Variants in SUGCT observed in about 807,000 individuals in gnomAD.
SUGCT encodes succinyl-CoA:glutarate CoA-transferase.
Under a neutral mutation model 55.0 loss-of-function variants are expected in SUGCT, and 41 were observed. That is an observed-to-expected ratio of 0.74 (90% CI 0.58 to 0.97). The LOEUF (loss-of-function observed/expected upper bound fraction) is 0.97. Among genes scored for constraint, SUGCT ranks in the 50% least tolerant of loss-of-function variants. The probability of loss-of-function intolerance (pLI) is 0.00; values close to 1 mark genes in which losing one functional copy is unlikely to be tolerated. For missense variants in SUGCT, 568 were observed against 547.8 expected (o/e 1.04, Z -0.37); for synonymous variants, 187 against 200.4 (o/e 0.93, Z 0.56).
chr7:40,474,114 A>G (rs752360135), intron 11 of SUGCT, among the ~76,000 whole-genome samples: 7 of 152,162 alleles, frequency 4.6e-5, no homozygotes, highest in East Asian at 1.9e-4. Context: ...AGGGATACCC[A>G]TGTTATGCTG....
intron 11 of SUGCT, among the ~76,000 whole-genome samples, chr7:40,467,204 G>GAAAAAAAAAAA (rs762283927): frequency 2.6e-4 from 22 of 83,578 alleles, no homozygotes; most frequent in South Asian, 5.1e-4. Context: ...CTAAGAAAAA[G>GAAAAAAAAAAA]AAAAAAAAAA....
chr7:40,880,259 A>G, the SUGCT span, among the ~76,000 whole-genome samples: 1 of 152,136 alleles, frequency 6.6e-6, no homozygotes, highest in Non-Finnish European at 1.5e-5. Context: ...CAGAGGAAAG[A>G]TTTTTGGGTT....
chr7:40,554,073 C>T (rs916713547), intron 12 of SUGCT, among the ~76,000 whole-genome samples: 4 of 152,186 alleles, frequency 2.6e-5, no homozygotes, highest in Non-Finnish European at 4.4e-5. Flanking sequence ...GATTTGAATC[C>T]TGGCTTTTCT....
At chr7:40,614,015 G>A (rs772208072) in intron 12 of SUGCT, among the ~76,000 whole-genome samples, 5 of 152,000 alleles carry the variant, frequency 3.3e-5, no homozygotes, top group East Asian at 3.9e-4. Context: ...GTGCTAATTC[G>A]TATGTCTATG....
the SUGCT span, among the ~76,000 whole-genome samples, chr7:41,019,029 C>A: frequency 6.6e-6 from 1 of 152,006 alleles, no homozygotes; most frequent in Admixed American, 6.5e-5. Flanking sequence ...CCTCAGCCTC[C>A]CGAGTAGCTG....
chr7:40,810,840 T>C (rs991252198), intron 13 of SUGCT, among the ~76,000 whole-genome samples: 6 of 152,176 alleles, frequency 3.9e-5, no homozygotes, highest in Non-Finnish European at 8.8e-5. Context: ...ATTTCCCAAA[T>C]GCAATGTCTA....
Position 40,763,829 on chromosome 7 carries a change from A to G in SUGCT, c.1153+14332A>G, listed in dbSNP as rs1788651732. ...GTGGAGTTAGGATCTATTTTCACAT[A>G]AACAGAAACGATTCCTCCTTTCTGA... On this transcript the variant is annotated intron_variant, in intron 13 of 13. Coordinates refer to ENST00000335693, the MANE Select transcript of SUGCT (RefSeq NM_001193313.2). Among the ~76,000 whole-genome samples, 3 of 152,146 alleles carry G rather than the reference A, an allele frequency of 2.0e-5. No homozygotes were observed. The South Asian group carries it at 6.2e-4, about 32-fold the overall frequency.
intron 12 of SUGCT, among the ~76,000 whole-genome samples, chr7:40,617,594 A>G (rs542964357): frequency 6.6e-6 from 1 of 151,988 alleles, no homozygotes; most frequent in Non-Finnish European, 1.5e-5. Context: ...AACTTTTATG[A>G]ATGCCATTAT....
At chr7:40,714,184 G>A (rs894079098) in intron 12 of SUGCT, among the ~76,000 whole-genome samples, 1 of 152,136 alleles carries the variant, frequency 6.6e-6, no homozygotes, top group Non-Finnish European at 1.5e-5. Context: ...ACAAAAATTA[G>A]CCAGGTGTGT....
intron 11 of SUGCT, among the ~76,000 whole-genome samples, chr7:40,469,996 A>G (rs950836140): frequency 3.9e-5 from 6 of 152,166 alleles, no homozygotes; most frequent in Admixed American, 1.3e-4. Flanking sequence ...ACCCCTTCCT[A>G]AATGTGAGAA....
chr7:40,364,392 G>A (rs1783814116), intron 9 of SUGCT, among the ~76,000 whole-genome samples: 1 of 151,982 alleles, frequency 6.6e-6, no homozygotes, highest in Non-Finnish European at 1.5e-5. Context: ...GTTAGTTGAT[G>A]CAGTTTCTTC....
At chr7:40,430,466 CT>C (rs1313062233) in intron 9 of SUGCT, among the ~76,000 whole-genome samples, 6 of 152,130 alleles carry the variant, frequency 3.9e-5, no homozygotes, top group African/African-American at 1.4e-4. Flanking sequence ...TTTATGTCTT[CT>C]TTAGAGAAAT....
At chr7:40,829,575 AAAAC>A (rs779428334) in intron 13 of SUGCT, among the ~76,000 whole-genome samples, 11 of 152,346 alleles carry the variant, frequency 7.2e-5, no homozygotes, top group South Asian at 4.1e-4. Flanking sequence ...AATAAAAAGA[AAAAC>A]AAAAGCAGTA....
chr7:40,665,973 C>T (rs1801608154), intron 12 of SUGCT, among the ~76,000 whole-genome samples: 1 of 151,840 alleles, frequency 6.6e-6, no homozygotes. Flanking sequence ...GGATATAAGC[C>T]TCTGTATAGG....
chr7:40,513,356 A>G (rs906664103), intron 12 of SUGCT, among the ~76,000 whole-genome samples: 4 of 152,252 alleles, frequency 2.6e-5, no homozygotes, highest in African/African-American at 7.2e-5. Context: ...CAGCTACTTT[A>G]GTATATGGAT....
At chr7:41,028,960 C>CT in the SUGCT span, among the ~76,000 whole-genome samples, 70 of 152,280 alleles carry the variant, frequency 4.6e-4, no homozygotes, top group South Asian at 1.5e-3. Context: ...CTCTAATATA[C>CT]CCCCAGAGAA....
chr7:40,379,265 G>T (rs1182810349), intron 9 of SUGCT, among the ~76,000 whole-genome samples: 1 of 152,146 alleles, frequency 6.6e-6, no homozygotes, highest in Admixed American at 6.5e-5. Context: ...AATTCCTATT[G>T]TTGTAAGCCA....
intron 9 of SUGCT, among the ~76,000 whole-genome samples, chr7:40,378,173 C>T (rs1784698508): frequency 6.6e-6 from 1 of 151,824 alleles, no homozygotes; most frequent in South Asian, 2.1e-4. Context: ...TCTTTTAGGC[C>T]CCACTTCTCA....
At chr7:40,916,066 T>TACACACACAC in the SUGCT span, among the ~76,000 whole-genome samples, 2 of 90,246 alleles carry the variant, frequency 2.2e-5, no homozygotes, top group African/African-American at 8.2e-5. Context: ...TCTCTCTCTC[T>TACACACACAC]ACATACACAC....
Sources: allele counts gnomAD v4.1 joint callset (sites outside exome capture counted in the v4.1 genomes callset), GRCh38; gene constraint gnomAD v4.1.1; transcripts MANE v1.5; gene names NCBI Gene and HGNC (gene_info 2026-07-23, HGNC 2026-07-21).